SEMA6A: variants seen among roughly 807,000 people sequenced by gnomAD.
SEMA6A encodes the protein semaphorin 6A.
SEMA6A carries 25 observed loss-of-function variants against 96.8 expected under a neutral mutation model. The observed-to-expected ratio is 0.26, with a 90% CI of 0.19 to 0.36. The LOEUF is 0.36. SEMA6A is among the 10% of genes least tolerant of loss of function. SEMA6A has a pLI of 1.00. For missense variants in SEMA6A, 1,363 were observed against 1,323.1 expected (o/e 1.03, Z -0.47); for synonymous variants, 612 against 518.0 (o/e 1.18, Z -2.46).
intron 18 of SEMA6A, chr5:116,449,337 G>A (rs1272940397): frequency 1.3e-5 from 9 of 702,118 alleles, no homozygotes; most frequent in Middle Eastern, 2.3e-4. Flanking sequence ...CTCGGGAGAC[G>A]CATTTTTCAT....
chr5:116,496,274 A>G lies in SEMA6A; in HGVS notation c.319T>C (p.Cys107Arg). The G allele has an allele frequency of 6.2e-7, 1 of 1,613,666 alleles. No homozygotes were observed. The highest frequency in any genetic ancestry group is 8.5e-7 in the Non-Finnish European group (1 of 1,179,772). ...WKSRQADVDTCRMKGKHKDEC... is the reference protein window; with the variant it reads ...WKSRQADVDTRRMKGKHKDEC... Reference sequence around the variant, plus strand: ...ACCTTATGTTTTCCCTTCATTCTGCATGTGTCTACATCGGCCTGTCTAGAT... The same window carrying G: ...ACCTTATGTTTTCCCTTCATTCTGCGTGTGTCTACATCGGCCTGTCTAGAT... The change falls in exon 5 of 19, where the codon TGC (cysteine) becomes CGC (arginine). Residue 107 changes from cysteine to arginine, a missense_variant. Physicochemically the swap from Cys to Arg is radical, Grantham distance 180. This residue lies in a region of SEMA6A where 480 missense variants were observed against 559.5 expected (regional missense o/e 0.86). Transcript: ENST00000343348.
At chr5:116,452,456 G>C (rs56029978) in intron 18 of SEMA6A, among the ~76,000 whole-genome samples, 3 of 149,558 alleles carry the variant, frequency 2.0e-5, no homozygotes, top group South Asian at 2.1e-4. Context: ...AGAGTTTTCA[G>C]ATGCTGGAGG....
rs765352395 is a variant in SEMA6A, at chr5:116,447,254, G to A, written c.2452C>T (p.Leu818=). ...SPSHIPSVVV[L]PITQQGYQHE... ...TGGTAGCCCTGCTGCGTGATGGGCA[G>A]GACCACCACGCTGGGGATGTGGCTG... Residue 818 remains leucine (L), a synonymous_variant, in exon 19 of 19, where the codon CTG becomes TTG. Coordinates refer to ENST00000343348, the MANE Select transcript of SEMA6A (RefSeq NM_020796.5). The A allele has an allele frequency of 6.2e-7, 1 of 1,613,972 alleles. No homozygotes were observed. The highest frequency in any genetic ancestry group is 8.5e-7 in the Non-Finnish European group (1 of 1,179,902).
At position 116,466,188 on chromosome 5, in the gene SEMA6A, T is replaced by C. The variant is rs372035541; in HGVS notation, c.1894+1395A>G. ...GAGTTCAAGACCAGCCTGGCCAACA[T>C]GGCAAAACCCTGTCACTACTAAAAA... On this transcript the variant is annotated intron_variant, in intron 18 of 18. Transcript: ENST00000343348. Among the ~76,000 whole-genome samples the C allele has an allele frequency of 4.4e-3, 652 of 148,612 alleles. 6 individuals are homozygous for C. The highest frequency in any genetic ancestry group is 0.015 in the African/African-American group (622 of 40,374).
At chr5:116,496,948 CAAACTT>C (rs1757632416) in intron 4 of SEMA6A, among the ~76,000 whole-genome samples, 1 of 152,166 alleles carries the variant, frequency 6.6e-6, no homozygotes, top group South Asian at 2.1e-4. Flanking sequence ...GCAGTCAAAT[CAAACTT>C]AATACTGCAA....
chr5:116,446,264 ATGTGTG>A lies in SEMA6A; in HGVS notation c.*343_*348del, dbSNP rs16372. On this transcript the variant is annotated 3_prime_UTR_variant, in exon 19 of 19. Coordinates refer to ENST00000343348, the MANE Select transcript of SEMA6A (RefSeq NM_020796.5). ...GCGTGTGTGTGTATGTGTTGTGTGC[ATGTGTG>A]TGTGTGTGTGTGTGTGGGGGTGGGG... 0.79 allele frequency: 139,724 copies of A among 176,278 alleles called. 53,257 individuals carry two copies. The highest frequency in any genetic ancestry group is 0.83 in the Non-Finnish European group (73,761 of 88,840). The allele number at this position is 176,278 out of a possible 1,614,324, so 10.9% of individuals were successfully genotyped here.
At chr5:116,479,539 G>T (rs1756644371) in intron 12 of SEMA6A, among the ~76,000 whole-genome samples, 2 of 152,316 alleles carry the variant, frequency 1.3e-5, no homozygotes, top group Admixed American at 1.3e-4. Context: ...CAGTGGGATG[G>T]TACTTGGGAA....
At chr5:116,568,385 T>C (rs1304826864) in intron 1 of SEMA6A, among the ~76,000 whole-genome samples, 1 of 152,160 alleles carries the variant, frequency 6.6e-6, no homozygotes, top group Non-Finnish European at 1.5e-5. Context: ...GGTCTTCTTG[T>C]CTCCAAGTGC....
chr5:116,471,739 C>T (rs576432007), intron 17 of SEMA6A: 1 of 152,154 alleles, frequency 6.6e-6, no homozygotes, highest in Non-Finnish European at 1.5e-5. Context: ...TACACAGCTC[C>T]AATGTATAAG....
intron 18 of SEMA6A, among the ~76,000 whole-genome samples, chr5:116,450,238 C>G (rs1288146386): frequency 6.6e-6 from 1 of 152,050 alleles, no homozygotes; most frequent in African/African-American, 2.4e-5. Context: ...GCTAGACGGC[C>G]CCAGTAATGG....
At chr5:116,469,143 C>A (rs889738886) in intron 17 of SEMA6A, 7 of 152,302 alleles carry the variant, frequency 4.6e-5, no homozygotes, top group African/African-American at 1.4e-4. Flanking sequence ...CACTTAAATG[C>A]TGCCACAAAG....
chr5:116,510,038 A>G (rs1256039455), intron 1 of SEMA6A, among the ~76,000 whole-genome samples: 1 of 152,130 alleles, frequency 6.6e-6, no homozygotes, highest in African/African-American at 2.4e-5. Context: ...GGCAAGCATG[A>G]GGGGTAGAAC....
chr5:116,465,659 A>G (rs1000484370), intron 18 of SEMA6A, among the ~76,000 whole-genome samples: 3 of 152,232 alleles, frequency 2.0e-5, no homozygotes, highest in African/African-American at 4.8e-5. Flanking sequence ...ATGATGTGTC[A>G]AAGTGTTAAA....
chr5:116,498,590 TG>T (rs1306001302), intron 3 of SEMA6A: 1 of 94,528 alleles, frequency 1.1e-5, no homozygotes, highest in African/African-American at 4.1e-5. Flanking sequence ...TGGAAGGGGG[TG>T]GAAGGGCGTG....
At chr5:116,571,171 A>G (rs1761197486) in intron 1 of SEMA6A, among the ~76,000 whole-genome samples, 2 of 152,256 alleles carry the variant, frequency 1.3e-5, no homozygotes, top group Admixed American at 6.5e-5. Flanking sequence ...AACATGAACC[A>G]TGTGTGACTA....
intron 1 of SEMA6A, among the ~76,000 whole-genome samples, chr5:116,530,585 T>C (rs1336578345): frequency 6.6e-6 from 1 of 152,050 alleles, no homozygotes; most frequent in Non-Finnish European, 1.5e-5. Context: ...GAGAAAAAAA[T>C]ATTTTAGAAG....
At chr5:116,554,352 C>T (rs2112890908) in intron 1 of SEMA6A, among the ~76,000 whole-genome samples, 1 of 152,262 alleles carries the variant, frequency 6.6e-6, no homozygotes, top group Non-Finnish European at 1.5e-5. Flanking sequence ...GTATCCTGTA[C>T]AAGTAGGAGC....
intron 6 of SEMA6A, among the ~76,000 whole-genome samples, chr5:116,493,154 T>C (rs1011578626): frequency 6.6e-6 from 1 of 152,118 alleles, no homozygotes; most frequent in African/African-American, 2.4e-5. Flanking sequence ...TGTAGAATCA[T>C]GGGAAATGGA....
rs188113476 is a variant in SEMA6A at position 116,473,147 on chromosome 5, G to A, written c.1709-54C>T. 11 of 1,545,700 alleles carry A rather than the reference G, an allele frequency of 7.1e-6. No individual in the cohort carries two copies. The African/African-American group carries it at 8.2e-5, about 11-fold the overall frequency. The stretch of plus-strand genomic sequence containing the variant: ...CTTAATGTTTTACGCTCTGCTTGGG[G>A]CGACTTACATAAGTGGGAATGAGCT... On this transcript the variant is annotated intron_variant, in intron 16 of 18. Coordinates refer to ENST00000343348, the MANE Select transcript of SEMA6A (RefSeq NM_020796.5).
Sources: allele counts gnomAD v4.1 joint callset (sites outside exome capture counted in the v4.1 genomes callset), GRCh38; gene constraint gnomAD v4.1.1; regional missense constraint gnomAD v4.1.1; transcripts MANE v1.5; gene names NCBI Gene and HGNC (gene_info 2026-07-23, HGNC 2026-07-21).